ZNF438: variants seen among roughly 807,000 people sequenced by gnomAD.
The protein encoded by ZNF438 is zinc finger protein 438.
ZNF438 carries 25 observed loss-of-function variants against 38.0 expected under a neutral mutation model. That is an observed-to-expected ratio of 0.66 (90% CI 0.48 to 0.92). The LOEUF (loss-of-function observed/expected upper bound fraction) is 0.92, where lower values mean the gene tolerates loss of function less well. ZNF438 is among the 40% of genes least tolerant of loss of function. The probability of loss-of-function intolerance (pLI) is 0.00; values close to 1 mark genes in which losing one functional copy is unlikely to be tolerated. For synonymous variants in ZNF438, 372 were observed against 364.1 expected (o/e 1.02, Z -0.25); for missense variants, 1,007 against 999.6 (o/e 1.01, Z -0.10).
intron 1 of ZNF438, among the ~76,000 whole-genome samples, chr10:30,992,160 C>T (rs1019753505): frequency 3.9e-5 from 6 of 152,190 alleles, no homozygotes; most frequent in African/African-American, 1.4e-4. Flanking sequence ...CCAGCCTATA[C>T]ACTGTAAGAA....
chr10:30,970,731 G>A (rs1258871475), intron 1 of ZNF438, among the ~76,000 whole-genome samples: 1 of 152,122 alleles, frequency 6.6e-6, no homozygotes, highest in Non-Finnish European at 1.5e-5. Context: ...GTATGACCAA[G>A]GGCACAATGG....
intron 1 of ZNF438, among the ~76,000 whole-genome samples, chr10:31,008,519 A>C (rs1269100603): frequency 1.3e-5 from 2 of 152,248 alleles, no homozygotes; most frequent in Non-Finnish European, 2.9e-5. Flanking sequence ...CATTTCACAT[A>C]AATGGAATCA....
intron 1 of ZNF438, among the ~76,000 whole-genome samples, chr10:31,013,108 A>G (rs141645209): frequency 6.6e-6 from 1 of 152,002 alleles, no homozygotes; most frequent in African/African-American, 2.4e-5. Context: ...TCACGAGGTC[A>G]GGAGATCGAG....
Position 30,851,828 on chromosome 10 carries a change from G to A in ZNF438, c.38-1461C>T, listed in dbSNP as rs535200065. On this transcript the variant is annotated intron_variant, in intron 4 of 5. Coordinates refer to ENST00000413025, the Ensembl canonical transcript of ZNF438. ...GAACACTATCTGTTAGAGGATACAA[G>A]GTAGGTAGCAGACAATCTAGTGAAA... Among the ~76,000 whole-genome samples, 413 of 152,172 alleles carry A rather than the reference G, an allele frequency of 2.7e-3. 2 individuals carry two copies. Among genetic ancestry groups the A allele is most frequent in the Admixed American group, 5.0e-3 (76 of 15,286 alleles).
rs1470484433 is a variant in ZNF438, at chr10:30,957,855, C to G, written c.-191-16204G>C. On this transcript the variant is annotated intron_variant, in intron 1 of 5. Coordinates refer to ENST00000413025, the Ensembl canonical transcript of ZNF438. The stretch of plus-strand genomic sequence containing the variant: ...TGGGCTGTTCTTTGATGGACTAATT[C>G]TTATTACTGATTCAATTTTGTGACT... Among the ~76,000 whole-genome samples, 9 of 117,140 alleles carry G rather than the reference C, an allele frequency of 7.7e-5. 1 individual carries two copies. In the Admixed American group the frequency reaches 7.8e-4, roughly 10 times the overall value. The allele number at this position is 117,140 out of a possible 152,430, so 76.8% of individuals were successfully genotyped here.
chr10:30,848,503 G>C, intron 5 of ZNF438, 28 bp downstream of exon 6: 1 of 1,581,868 alleles, frequency 6.3e-7, no homozygotes, highest in Non-Finnish European at 8.6e-7. Flanking sequence ...AGACTCTCTT[G>C]CCAGGTCTCC....
intron 4 of ZNF438, among the ~76,000 whole-genome samples, chr10:30,860,396 A>C (rs1483302806): frequency 1.3e-5 from 2 of 152,216 alleles, no homozygotes; most frequent in Non-Finnish European, 2.9e-5. Context: ...TGCATTCTGA[A>C]AGCTCTCGTG....
chr10:30,872,423 CTCAAAAAAAAAAAAAAAAA>C, intron 4 of ZNF438, among the ~76,000 whole-genome samples: 2 of 50,060 alleles, frequency 4.0e-5, no homozygotes, highest in African/African-American at 7.3e-5. Context: ...AAGACTCTGT[CTCAAAAAAAAAAAAAAAAA>C]AAAAAAAAAA....
At chr10:31,016,959 G>A (rs1198578058) in intron 1 of ZNF438, among the ~76,000 whole-genome samples, 2 of 152,110 alleles carry the variant, frequency 1.3e-5, no homozygotes, top group Non-Finnish European at 2.9e-5. Context: ...TAGGTCTCTG[G>A]GCAATATACA....
chr10:30,988,845 T>G lies in ZNF438; in HGVS notation c.-192+42988A>C, dbSNP rs905471399. On this transcript the variant is annotated intron_variant, in intron 1 of 5. Transcript: ENST00000413025. ...AACCTAGATGTGACAGTTAATTTTA[T>G]GAGTCACTTTGGATAGGTTATGATG... 2.0e-5 allele frequency among the ~76,000 whole-genome samples: 3 copies of G among 152,204 alleles called. No individual in the cohort carries two copies. The South Asian group carries it at 6.2e-4, about 31-fold the overall frequency.
intron 2 of ZNF438, chr10:30,919,229 G>A (rs916259692): frequency 2.0e-5 from 3 of 151,864 alleles, no homozygotes; most frequent in Admixed American, 6.6e-5. Context: ...CTGTATGTAC[G>A]AGGATCTAAG....
intron 2 of ZNF438, among the ~76,000 whole-genome samples, chr10:30,933,235 A>G (rs1056211477): frequency 1.3e-5 from 2 of 152,214 alleles, no homozygotes; most frequent in African/African-American, 4.8e-5. Flanking sequence ...AACAACAGCC[A>G]GGGGTGTTAT....
chr10:30,938,565 C>G (rs1195604923), intron 2 of ZNF438, among the ~76,000 whole-genome samples: 2 of 151,942 alleles, frequency 1.3e-5, no homozygotes, highest in East Asian at 3.9e-4. Flanking sequence ...CGTGAGCCAC[C>G]ATGCCTGGCC....
chr10:30,984,381 G>C (rs924469110), intron 1 of ZNF438: 1 of 151,990 alleles, frequency 6.6e-6, no homozygotes, highest in African/African-American at 2.4e-5. Flanking sequence ...ATATCCCAAG[G>C]CTCCTGTAGA....
chr10:30,883,447 T>C (rs1420477001), intron 3 of ZNF438, among the ~76,000 whole-genome samples: 1 of 152,154 alleles, frequency 6.6e-6, no homozygotes, highest in African/African-American at 2.4e-5. Context: ...ATGTTAAGGG[T>C]GCTATTTAAA....
At chr10:30,976,740 T>TA (rs11358833) in intron 1 of ZNF438, among the ~76,000 whole-genome samples, 275 of 143,894 alleles carry the variant, frequency 1.9e-3, no homozygotes, top group South Asian at 7.9e-3. Context: ...CTTTATTTAA[T>TA]AAAAAAAAAA....
intron 3 of ZNF438, among the ~76,000 whole-genome samples, chr10:30,896,740 G>T (rs1373419067): frequency 6.6e-6 from 1 of 152,094 alleles, no homozygotes; most frequent in Non-Finnish European, 1.5e-5. Context: ...TTTACAAGAT[G>T]AAAAATTCTA....
intron 4 of ZNF438, among the ~76,000 whole-genome samples, chr10:30,856,813 G>T (rs991607): frequency 0.37 from 56,995 of 151,996 alleles, 11,038 homozygotes; most frequent in Admixed American, 0.41. Flanking sequence ...CTTAATATTA[G>T]GATCTTAAAT....
intron 3 of ZNF438, among the ~76,000 whole-genome samples, chr10:30,881,537 T>C (rs976742594): frequency 6.6e-6 from 1 of 152,132 alleles, no homozygotes; most frequent in Admixed American, 6.5e-5. Flanking sequence ...GAAGACTCGA[T>C]GTTGTTAAAA....
Sources: allele counts gnomAD v4.1 joint callset (sites outside exome capture counted in the v4.1 genomes callset), GRCh38; gene constraint gnomAD v4.1.1; transcripts MANE v1.5; gene names NCBI Gene and HGNC (gene_info 2026-07-23, HGNC 2026-07-21).